Variants in ADAMTS2 observed in about 807,000 individuals in gnomAD.
The protein encoded by ADAMTS2 is ADAM metallopeptidase with thrombospondin type 1 motif 2.
A neutral mutation model predicts 123.0 loss-of-function variants in ADAMTS2; 50 were observed. That is an observed-to-expected ratio of 0.41 (90% CI 0.32 to 0.51). ADAMTS2 has a LOEUF of 0.51. ADAMTS2 is among the 20% of genes least tolerant of loss of function. ADAMTS2 has a pLI of 0.35. For synonymous variants in ADAMTS2, 678 were observed against 695.4 expected (o/e 0.98, Z 0.39); for missense variants, 1,494 against 1,705.2 (o/e 0.88, Z 2.18).
At chr5:179,131,857 G>C (rs1762968750) in intron 15 of ADAMTS2, among the ~76,000 whole-genome samples, 1 of 152,228 alleles carries the variant, frequency 6.6e-6, no homozygotes, top group Admixed American at 6.5e-5. Flanking sequence ...GGATGGGAGG[G>C]CTGCCCAGGA....
At position 179,184,906 on chromosome 5, in the gene ADAMTS2, G is replaced by A. The variant is rs574666634; in HGVS notation, c.892-3751C>T. ...ATCACCGGCCTCGAGGGAAAGGCAG[G>A]GAACCAGAGGATATATTAGTGGGAA... is the stretch of plus-strand genomic sequence containing the variant. On this transcript the variant is annotated intron_variant, in intron 4 of 21. Transcript: ENST00000251582. Among the ~76,000 whole-genome samples, 6 of 152,352 alleles carry A rather than the reference G, an allele frequency of 3.9e-5. No homozygotes were observed. In the East Asian group the frequency reaches 1.2e-3, roughly 29 times the overall value.
At chr5:179,171,347 G>A (rs1763810282) in intron 5 of ADAMTS2, among the ~76,000 whole-genome samples, 2 of 152,184 alleles carry the variant, frequency 1.3e-5, no homozygotes, top group African/African-American at 4.8e-5. Context: ...GTCAGCCAGG[G>A]CCCATGACCA....
rs940154224 is a variant in ADAMTS2 at position 179,130,382 on chromosome 5, C to G, written c.2291-284G>C. 1.1e-4 allele frequency among the ~76,000 whole-genome samples: 16 copies of G among 152,202 alleles called. No individual in the cohort carries two copies. Among genetic ancestry groups the G allele is most frequent in the Non-Finnish European group, 1.8e-4 (12 of 68,020 alleles). ...GGAAGCCACTCAGTAGCCGTCAAGGCCACCTACCCATACCCTATTGGGAGC... is the reference window on the plus strand; with the variant it reads ...GGAAGCCACTCAGTAGCCGTCAAGGGCACCTACCCATACCCTATTGGGAGC... On this transcript the variant is annotated intron_variant, in intron 15 of 21. Transcript: ENST00000251582. This position sits in a 1 kb window ranked among gnomAD's most constrained non-coding sequence, Gnocchi z 4.3.
rs902631932 is a variant in ADAMTS2, at chr5:179,175,601, T to C, written c.975+5471A>G. On this transcript the variant is annotated intron_variant, in intron 5 of 21. Coordinates refer to ENST00000251582, the MANE Select transcript of ADAMTS2 (RefSeq NM_014244.5). The surrounding 1 kb of genome is among the most constrained non-coding windows in gnomAD (Gnocchi z 4.1). ...CACTACCAAGGCTGTTGTTTTTGGT[T>C]CACACAGAAGCTACTGATTTTTTAA... Among the ~76,000 whole-genome samples, 4 of 152,220 alleles carry C rather than the reference T, an allele frequency of 2.6e-5. No individual in the cohort carries two copies. Among genetic ancestry groups the C allele is most frequent in the African/African-American group, 9.6e-5 (4 of 41,456 alleles).
At chr5:179,206,833 T>C (rs918009499) in intron 4 of ADAMTS2, among the ~76,000 whole-genome samples, 1 of 151,526 alleles carries the variant, frequency 6.6e-6, no homozygotes, top group African/African-American at 2.4e-5. Flanking sequence ...GAGGGGGAGG[T>C]GGTTCTTTAA....
rs1359516494 is a variant in ADAMTS2 at position 179,332,792 on chromosome 5, C to T, written c.534+10975G>A. On this transcript the variant is annotated intron_variant, in intron 2 of 21. Transcript: ENST00000251582. This position sits in a 1 kb window ranked among gnomAD's most constrained non-coding sequence, Gnocchi z 4.2. ...AAGGGAAGGAGAGGAGACCAGGAGC[C>T]TCCCAGGGCCTGGGCACCTGCCTGG... Among the ~76,000 whole-genome samples, 2 of 152,060 alleles carry T rather than the reference C, an allele frequency of 1.3e-5. No individual in the cohort carries two copies. The highest frequency in any genetic ancestry group is 2.9e-5 in the Non-Finnish European group (2 of 67,970).
Position 179,188,409 on chromosome 5 carries a change from G to A in ADAMTS2, c.892-7254C>T, listed in dbSNP as rs538617214. Among the ~76,000 whole-genome samples, 1 of 152,316 alleles carries A rather than the reference G, an allele frequency of 6.6e-6. No individual in the cohort carries two copies. Among genetic ancestry groups the A allele is most frequent in the South Asian group, 2.1e-4 (1 of 4,820 alleles). On this transcript the variant is annotated intron_variant, in intron 4 of 21. Transcript: ENST00000251582. This position sits in a 1 kb window ranked among gnomAD's most constrained non-coding sequence, Gnocchi z 5.1. ...GAAGAGAGTGCAGCCAGGAGCAGGG[G>A]ACAGAGGTCTGCTGGCCTCCGTGGA...
intron 8 of ADAMTS2, 67 bp downstream of exon 8, chr5:179,153,982 T>C (rs1456867697): frequency 3.2e-6 from 5 of 1,549,248 alleles, no homozygotes; most frequent in Non-Finnish European, 4.3e-6. Flanking sequence ...GCATGGGGAC[T>C]TGCACCCTCC....
At position 179,122,699 on chromosome 5, in the gene ADAMTS2, G is replaced by C. The variant is rs1483128286; in HGVS notation, c.3033C>G (p.Ile1011Met). The part of the protein sequence containing the change: ...LCRTADDSFG[I>M]CQEERPETAR... ...CTGTCTCAGGACGCTCCTCCTGGCAGATGCCGAAGCTGTCGTCCGCGGTGC... is the reference window on the plus strand; with the variant it reads ...CTGTCTCAGGACGCTCCTCCTGGCACATGCCGAAGCTGTCGTCCGCGGTGC... Residue 1011 changes from isoleucine (I) to methionine (M), a missense_variant, in exon 20 of 22, where the codon ATC (isoleucine) becomes ATG (methionine). By Grantham distance (10) the Ile-to-Met change is conservative. Around this residue, in one of 6 missense-constraint regions of ADAMTS2, gnomAD observed 953 missense variants for 1,124.7 expected, o/e 0.85. Coordinates refer to ENST00000251582, the MANE Select transcript of ADAMTS2 (RefSeq NM_014244.5). 3 of 1,551,596 alleles carry C rather than the reference G, an allele frequency of 1.9e-6. No individual in the cohort carries two copies. Among genetic ancestry groups the C allele is most frequent in the East Asian group, 4.9e-5 (2 of 41,026 alleles).
chr5:179,183,139 C>T, intron 4 of ADAMTS2, among the ~76,000 whole-genome samples: 1 of 152,182 alleles, frequency 6.6e-6, no homozygotes, highest in South Asian at 2.1e-4. Flanking sequence ...GGGTATGCAC[C>T]CCTAAACCAC....
chr5:179,327,253 A>C (rs768476855), intron 2 of ADAMTS2, among the ~76,000 whole-genome samples: 68 of 152,202 alleles, frequency 4.5e-4, no homozygotes, highest in Non-Finnish European at 9.3e-4. Context: ...GGAACCCTGA[A>C]GTGCAGAAAA....
At chr5:179,263,868 C>T (rs77822365) in intron 3 of ADAMTS2, among the ~76,000 whole-genome samples, 4,349 of 152,320 alleles carry the variant, frequency 0.029, 94 homozygotes, top group Middle Eastern at 0.082. Context: ...CAGAGCACAG[C>T]GCTGCCTAGG....
At position 179,130,879 on chromosome 5, in the gene ADAMTS2, G is replaced by C. The variant is rs1335308510; in HGVS notation, c.2291-781C>G. On this transcript the variant is annotated intron_variant, in intron 15 of 21. Transcript: ENST00000251582. The surrounding 1 kb of genome is among the most constrained non-coding windows in gnomAD (Gnocchi z 4.3). Reference sequence around the variant, plus strand: ...CTCTGGCCCTTGCTCCCTTTCCACAGAGAGCGACCTCAGCCCCAGAGGCGG... The same window carrying C: ...CTCTGGCCCTTGCTCCCTTTCCACACAGAGCGACCTCAGCCCCAGAGGCGG... 6.6e-6 allele frequency among the ~76,000 whole-genome samples: 1 copy of C among 152,134 alleles called. No homozygotes were observed. Among genetic ancestry groups the C allele is most frequent in the Non-Finnish European group, 1.5e-5 (1 of 68,042 alleles).
intron 3 of ADAMTS2, among the ~76,000 whole-genome samples, chr5:179,263,528 C>T (rs915651848): frequency 2.0e-5 from 3 of 152,250 alleles, no homozygotes; most frequent in African/African-American, 7.2e-5. Context: ...TCCTGTCCTG[C>T]AGGCTCTCTC....
At chr5:179,194,797 G>A (rs1380995091) in intron 4 of ADAMTS2, among the ~76,000 whole-genome samples, 2 of 152,148 alleles carry the variant, frequency 1.3e-5, no homozygotes, top group Non-Finnish European at 2.9e-5. Flanking sequence ...GGGCCAGCAC[G>A]TGCAAAACCA....
chr5:179,119,699 C>T (rs1009754389), intron 21 of ADAMTS2, among the ~76,000 whole-genome samples: 13 of 152,180 alleles, frequency 8.5e-5, no homozygotes, highest in Admixed American at 1.3e-4. Flanking sequence ...CCTTCCTGGA[C>T]GAGTAGCCCA....
At chr5:179,151,212 GGT>G in intron 10 of ADAMTS2, 1 of 186,400 alleles carries the variant, frequency 5.4e-6, no homozygotes, top group South Asian at 8.7e-5. Flanking sequence ...TGTGTAAAGT[GGT>G]TCAGATAGTG....
chr5:179,118,871 C>T lies in ADAMTS2; in HGVS notation c.3178+2790G>A, dbSNP rs1043635471. Among the ~76,000 whole-genome samples, 4 of 152,152 alleles carry T rather than the reference C, an allele frequency of 2.6e-5. No individual in the cohort carries two copies. Among genetic ancestry groups the T allele is most frequent in the Admixed American group, 6.5e-5 (1 of 15,284 alleles). Reference sequence around the variant, plus strand: ...AGCATAAAGGGAACTAGGAAGGGACCGCTCAGTGCAGTGCAGCCCCAGCTA... The same window carrying T: ...AGCATAAAGGGAACTAGGAAGGGACTGCTCAGTGCAGTGCAGCCCCAGCTA... On this transcript the variant is annotated intron_variant, in intron 21 of 21. Coordinates refer to ENST00000251582, the MANE Select transcript of ADAMTS2 (RefSeq NM_014244.5). This position sits in a 1 kb window ranked among gnomAD's most constrained non-coding sequence, Gnocchi z 4.5.
At chr5:179,183,521 T>C (rs1336701644) in intron 4 of ADAMTS2, among the ~76,000 whole-genome samples, 5 of 152,174 alleles carry the variant, frequency 3.3e-5, no homozygotes, top group Non-Finnish European at 7.4e-5. Flanking sequence ...TTCCTAGCAG[T>C]AGGAGTGGCT....
Sources: allele counts gnomAD v4.1 joint callset (sites outside exome capture counted in the v4.1 genomes callset), GRCh38; gene constraint gnomAD v4.1.1; regional missense constraint gnomAD v4.1.1; non-coding constraint Gnocchi (gnomAD v3.1); transcripts MANE v1.5; gene names NCBI Gene and HGNC (gene_info 2026-07-23, HGNC 2026-07-21).